Variants in INTS7 observed in about 807,000 individuals in gnomAD.
INTS7 encodes the protein chromosome 1 open reading frame 73.
A neutral mutation model predicts 109.2 loss-of-function variants in INTS7; 46 were observed. That is an observed-to-expected ratio of 0.42 (90% CI 0.33 to 0.54). The LOEUF (loss-of-function observed/expected upper bound fraction) is 0.54, where lower values mean the gene tolerates loss of function less well. Among genes scored for constraint, INTS7 ranks in the 20% least tolerant of loss-of-function variants. The probability of loss-of-function intolerance (pLI) is 0.07; values close to 1 mark genes in which losing one functional copy is unlikely to be tolerated. For missense variants in INTS7, 929 were observed against 1,132.4 expected, an observed-to-expected ratio of 0.82 and a Z score of 2.58; for synonymous variants, 412 against 402.9, an observed-to-expected ratio of 1.02 and a Z score of -0.27.
intron 7 of INTS7, among the ~76,000 whole-genome samples, chr1:212,000,765 A>G (rs2102458736): frequency 6.6e-6 from 1 of 152,326 alleles, no homozygotes; most frequent in Non-Finnish European, 1.5e-5. Flanking sequence ...AAACCCAAAA[A>G]AAATCCATCA....
intron 4 of INTS7, among the ~76,000 whole-genome samples, chr1:212,015,923 A>T (rs1279996123): frequency 6.6e-6 from 1 of 151,964 alleles, no homozygotes; most frequent in Non-Finnish European, 1.5e-5. Context: ...AAATACAAAT[A>T]TTACGGCTTT....
intron 11 of INTS7, among the ~76,000 whole-genome samples, 162 bp downstream of exon 11, chr1:211,978,110 A>G (rs1664496740): frequency 1.3e-5 from 2 of 152,210 alleles, no homozygotes; most frequent in Non-Finnish European, 2.9e-5. Context: ...CATAAAGCCA[A>G]TTCTATTTTG....
intron 1 of INTS7, among the ~76,000 whole-genome samples, chr1:212,030,097 T>C (rs1206737920): frequency 6.6e-6 from 1 of 152,208 alleles, no homozygotes; most frequent in Non-Finnish European, 1.5e-5. Flanking sequence ...TCTAGGAATA[T>C]TTAATAACCC....
intron 2 of INTS7, 92 bp from the exon 3 acceptor site, chr1:212,020,360 C>T (rs1285511135): frequency 7.9e-6 from 6 of 759,532 alleles, no homozygotes; most frequent in South Asian, 2.2e-5. Flanking sequence ...TTTAGCAACA[C>T]ACAAATATTT....
intron 2 of INTS7, 150 bp downstream of exon 2, chr1:212,020,933 T>C (rs749393250): frequency 7.7e-5 from 54 of 702,248 alleles, no homozygotes; most frequent in Non-Finnish European, 6.7e-5. Context: ...TCATTAAATC[T>C]CACACTGATG....
intron 3 of INTS7, among the ~76,000 whole-genome samples, 167 bp from the exon 4 acceptor site, chr1:212,017,190 C>T (rs993161767): frequency 2.0e-5 from 3 of 152,172 alleles, no homozygotes; most frequent in South Asian, 2.1e-4. Flanking sequence ...AAATTTTAAA[C>T]GCTTTTACAT....
intron 16 of INTS7, among the ~76,000 whole-genome samples, chr1:211,963,335 A>C (rs1663728922): frequency 6.6e-6 from 1 of 152,138 alleles, no homozygotes; most frequent in African/African-American, 2.4e-5. Flanking sequence ...TCTGAAATTG[A>C]ATCAGTAATA....
chr1:212,014,812 C>T (rs1411977748), intron 4 of INTS7, among the ~76,000 whole-genome samples: 2 of 152,198 alleles, frequency 1.3e-5, no homozygotes, highest in Non-Finnish European at 2.9e-5. Context: ...CCCGAGGTGC[C>T]GGGATTGCAG....
At chr1:211,978,713 G>GAC (rs1664528340) in intron 10 of INTS7, among the ~76,000 whole-genome samples, 1 of 152,072 alleles carries the variant, frequency 6.6e-6, no homozygotes, top group African/African-American at 2.4e-5. Context: ...AACAAATTAG[G>GAC]ACTGCACGTC....
intron 10 of INTS7, 52 bp downstream of exon 10, chr1:211,981,041 G>T: frequency 8.8e-7 from 1 of 1,130,312 alleles, no homozygotes; most frequent in Non-Finnish European, 1.3e-6. Context: ...GCTTTCTATT[G>T]CCTAAGACCA....
chr1:211,964,334 C>G (rs576787039), intron 16 of INTS7, among the ~76,000 whole-genome samples: 1 of 152,026 alleles, frequency 6.6e-6, no homozygotes, highest in Non-Finnish European at 1.5e-5. Flanking sequence ...CACAAACAAA[C>G]GGAAAAACAT....
At chr1:211,947,528 G>A (rs1662893857) in intron 17 of INTS7, among the ~76,000 whole-genome samples, 2 of 152,170 alleles carry the variant, frequency 1.3e-5, no homozygotes, top group African/African-American at 4.8e-5. Context: ...GGCCTCGTAA[G>A]TCACCACAGT....
intron 10 of INTS7, among the ~76,000 whole-genome samples, chr1:211,980,848 T>C (rs1019191698): frequency 6.6e-6 from 1 of 152,230 alleles, no homozygotes; most frequent in Non-Finnish European, 1.5e-5. Context: ...CTAGGGCTTA[T>C]ACCACTGGGA....
At chr1:212,016,607 G>A (rs1208766932) in intron 4 of INTS7, among the ~76,000 whole-genome samples, 2 of 152,208 alleles carry the variant, frequency 1.3e-5, no homozygotes, top group Non-Finnish European at 2.9e-5. Flanking sequence ...CAAAGCTTCT[G>A]CTACCCAATG....
intron 16 of INTS7, among the ~76,000 whole-genome samples, chr1:211,965,640 G>A (rs1323682951): frequency 6.6e-6 from 1 of 152,130 alleles, no homozygotes; most frequent in Non-Finnish European, 1.5e-5. Context: ...TCATGTCCTT[G>A]GCAGGAAGAT....
intron 16 of INTS7, among the ~76,000 whole-genome samples, chr1:211,964,742 A>C (rs886929360): frequency 6.6e-6 from 1 of 152,196 alleles, no homozygotes; most frequent in African/African-American, 2.4e-5. Flanking sequence ...TGTTCAATAG[A>C]TGGTGCTGGG....
intron 17 of INTS7, among the ~76,000 whole-genome samples, chr1:211,949,015 T>C (rs1052804742): frequency 2.0e-5 from 3 of 152,064 alleles, no homozygotes; most frequent in African/African-American, 7.2e-5. Flanking sequence ...AATGCTCTCT[T>C]AATTGTCAAT....
At chr1:212,032,153 T>C (rs991039872) in intron 1 of INTS7, among the ~76,000 whole-genome samples, 2 of 152,232 alleles carry the variant, frequency 1.3e-5, no homozygotes, top group Non-Finnish European at 2.9e-5. Flanking sequence ...TCTAATCCAT[T>C]AGCAAATCTT....
chr1:212,016,738 A>G, intron 4 of INTS7, 148 bp downstream of exon 4: 1 of 606,166 alleles, frequency 1.6e-6, no homozygotes, highest in Non-Finnish European at 2.8e-6. Flanking sequence ...TTGTTTCCCC[A>G]ACATAAGGTA....
Sources: allele counts gnomAD v4.1 joint callset (sites outside exome capture counted in the v4.1 genomes callset), GRCh38; gene constraint gnomAD v4.1.1; transcripts MANE v1.5; gene names NCBI Gene and HGNC (gene_info 2026-07-23, HGNC 2026-07-21).